The following HPS4 variants were observed in gnomAD, a reference collection of about 807,000 sequenced individuals.
HPS4 encodes the protein HPS4 biogenesis of lysosomal organelles complex 3 subunit 2.
In HPS4, 44 loss-of-function variants were observed where a neutral mutation model predicts 70.3. That is an observed-to-expected ratio of 0.63 (90% CI 0.49 to 0.80). HPS4 has a LOEUF of 0.80. Among genes scored for constraint, HPS4 ranks in the 30% least tolerant of loss-of-function variants. HPS4 has a pLI of 0.00. For synonymous variants in HPS4, 377 were observed against 355.9 expected, an observed-to-expected ratio of 1.06 and a Z score of -0.67; for missense variants, 873 against 884.4, an observed-to-expected ratio of 0.99 and a Z score of 0.16.
chr22:26,452,801 C>T lies in HPS4; in HGVS notation c.*432G>A. On this transcript the variant is annotated 3_prime_UTR_variant, in exon 14 of 14. Coordinates refer to ENST00000398145, the MANE Select transcript of HPS4 (RefSeq NM_022081.6). ...CTCACAGATCCGGCACCTCGCTGTGCAGTCACACCGCCTACCACCACCTGG... is the reference window on the plus strand; with the variant it reads ...CTCACAGATCCGGCACCTCGCTGTGTAGTCACACCGCCTACCACCACCTGG... The T allele has an allele frequency of 3.9e-6, 1 of 259,182 alleles. No individual in the cohort carries two copies. Among genetic ancestry groups the T allele is most frequent in the South Asian group, 4.4e-5 (1 of 22,964 alleles). The allele number at this position is 259,182 out of a possible 1,614,324, so 16.1% of individuals were successfully genotyped here.
chr22:26,479,927 A>C (rs1273792870), intron 2 of HPS4, among the ~76,000 whole-genome samples: 1 of 152,224 alleles, frequency 6.6e-6, no homozygotes, highest in Non-Finnish European at 1.5e-5. Flanking sequence ...ATGAGAATTT[A>C]CAGAGAAACT....
At chr22:26,458,380 TTCTCA>T in intron 12 of HPS4, 60 bp downstream of exon 12, 1 of 1,591,464 alleles carries the variant, frequency 6.3e-7, no homozygotes, top group Non-Finnish European at 8.6e-7. Flanking sequence ...GGGGCTCAAG[TTCTCA>T]TCTCCACCCA....
chr22:26,475,709 G>A (rs1033394070), intron 4 of HPS4: 1 of 151,336 alleles, frequency 6.6e-6, no homozygotes, highest in Non-Finnish European at 1.5e-5. Flanking sequence ...TGTGTGGAGA[G>A]TACACTAATG....
At position 26,481,927 on chromosome 22, in the gene HPS4, C is replaced by A. The variant is rs1414589038; in HGVS notation, c.-165G>T. 6.1e-5 allele frequency: 43 copies of A among 702,304 alleles called. No individual in the cohort carries two copies. Among genetic ancestry groups the A allele is most frequent in the Middle Eastern group, 3.7e-4 (1 of 2,720 alleles). The allele number at this position is 702,304 out of a possible 1,614,324, so 43.5% of individuals were successfully genotyped here. A position where few individuals can be genotyped will look rare whatever the true frequency, so the allele number is the denominator to read the frequency against. Reference sequence around the variant, plus strand: ...TGCCACTTGGTTAGTTTTCACTCAGCATGGAAAGTTCCACTTCCCTTCCTT... The same window carrying A: ...TGCCACTTGGTTAGTTTTCACTCAGAATGGAAAGTTCCACTTCCCTTCCTT... On this transcript the variant is annotated 5_prime_UTR_variant, in exon 2 of 14. It removes an upstream start codon present in the reference 5' UTR. Transcript: ENST00000398145.
Position 26,463,988 on chromosome 22 carries a change from C to G in HPS4, c.1642G>C (p.Val548Leu). 1 of 1,614,240 alleles carries G rather than the reference C, an allele frequency of 6.2e-7. No individual in the cohort carries two copies. Among genetic ancestry groups the G allele is most frequent in the Non-Finnish European group, 8.5e-7 (1 of 1,180,050 alleles). ...AGCAGGGACAGCACCAGCCCTTTGA[C>G]GCAGTGAGTGTAGAGATTCATCCTC... ...LVRMNLYTHC[V>L]KGLVLSLLAE... Residue 548 changes from valine to leucine, a missense_variant, in exon 11 of 14, where the codon GTC (valine) becomes CTC (leucine). Transcript: ENST00000398145.
intron 13 of HPS4, among the ~76,000 whole-genome samples, chr22:26,455,994 C>T (rs2086050683): frequency 6.6e-6 from 1 of 152,218 alleles, no homozygotes; most frequent in Non-Finnish European, 1.5e-5. Flanking sequence ...CAAGTTGCCT[C>T]TGGGTTGCCA....
At chr22:26,445,300 C>T (rs1451369586) in intron 3 of HPS4, among the ~76,000 whole-genome samples, 2 of 152,064 alleles carry the variant, frequency 1.3e-5, no homozygotes, top group Non-Finnish European at 2.9e-5. Context: ...CGCCAGTGCA[C>T]TCCAGCCAAG....
chr22:26,477,012 A>C lies in HPS4; in HGVS notation c.257T>G (p.Val86Gly), dbSNP rs763091759. 1 of 1,614,180 alleles carries C rather than the reference A, an allele frequency of 6.2e-7. No homozygotes were observed. The highest frequency in any genetic ancestry group is 2.2e-5 in the East Asian group (1 of 44,888). ...RLRKLKFAIK[V>G]DGDYLWVLGC... is the part of the protein sequence containing the mutation. ...ACTTACCCAAAGGTAATCTCCATCA[A>C]CTTTTATGGCAAACTTCAGTTTTCT... is the stretch of plus-strand genomic sequence containing the variant. Residue 86 changes from valine (V) to glycine (G), a missense_variant, in exon 4 of 14, where the codon GTT becomes GGT. Val to Gly is a moderately radical substitution (Grantham distance 109). Coordinates refer to ENST00000398145, the MANE Select transcript of HPS4 (RefSeq NM_022081.6).
intron 4 of HPS4, among the ~76,000 whole-genome samples, 166 bp from the exon 5 acceptor site, chr22:26,473,105 T>C (rs927554227): frequency 3.3e-5 from 5 of 152,336 alleles, no homozygotes; most frequent in African/African-American, 1.2e-4. Context: ...TTAATCTCCA[T>C]GGACAAGTAA....
At chr22:26,445,507 T>G (rs1403205474) in intron 3 of HPS4, among the ~76,000 whole-genome samples, 1 of 152,142 alleles carries the variant, frequency 6.6e-6, no homozygotes, top group Non-Finnish European at 1.5e-5. Context: ...TAGGATATGT[T>G]AAGGAGCAAT....
At chr22:26,458,318 G>T in intron 12 of HPS4, 127 bp downstream of exon 12, 1 of 1,176,442 alleles carries the variant, frequency 8.5e-7, no homozygotes, top group Non-Finnish European at 1.3e-6. Flanking sequence ...TGAGAAGAGA[G>T]CCCTGAACGC....
chr22:26,460,708 T>C (rs2087073620), intron 11 of HPS4, among the ~76,000 whole-genome samples: 1 of 152,242 alleles, frequency 6.6e-6, no homozygotes, highest in Admixed American at 6.5e-5. Flanking sequence ...AGTGCTTTCA[T>C]ACATACCAGG....
Position 26,481,768 on chromosome 22 carries a change from G to A in HPS4, c.-6C>T, listed in dbSNP as rs763357219. 8 of 1,613,644 alleles carry A rather than the reference G, an allele frequency of 5.0e-6. No homozygotes were observed. Among genetic ancestry groups the A allele is most frequent in the Non-Finnish European group, 6.8e-6 (8 of 1,179,660 alleles). On this transcript the variant is annotated 5_prime_UTR_variant, in exon 2 of 14. The change creates a premature stop within an existing upstream ORF in the 5' untranslated region. Transcript: ENST00000398145. ...GTGGAGGTAGAGGTGGCCATCTACT[G>A]TGCAGTCATCCTCATTCTCTTCATT...
chr22:26,470,994 A>G, intron 6 of HPS4, 181 bp from the exon 7 acceptor site: 1 of 1,324,668 alleles, frequency 7.5e-7, no homozygotes. Flanking sequence ...CTCTATACTC[A>G]GAACTGCTGA....
chr22:26,447,185 G>A (rs1365289909), downstream of HPS4, among the ~76,000 whole-genome samples: 2 of 152,208 alleles, frequency 1.3e-5, no homozygotes, highest in African/African-American at 4.8e-5. Context: ...TTGGGTCAGG[G>A]CTGGACACGT....
chr22:26,449,637 C>G (rs1304902968), downstream of HPS4, among the ~76,000 whole-genome samples: 1 of 136,810 alleles, frequency 7.3e-6, no homozygotes, highest in Non-Finnish European at 1.6e-5. Flanking sequence ...ATCCCACTCC[C>G]CTGCTTAAAG....
At chr22:26,471,111 G>A (rs1244389375) in intron 6 of HPS4, 2 of 477,356 alleles carry the variant, frequency 4.2e-6, no homozygotes, top group East Asian at 4.2e-5. Context: ...GATGGCCTGG[G>A]AGACCGACTG....
intron 1 of HPS4, among the ~76,000 whole-genome samples, chr22:26,482,544 C>T (rs2091393116): frequency 6.6e-6 from 1 of 152,212 alleles, no homozygotes; most frequent in African/African-American, 2.4e-5. Context: ...AATTAAGGAA[C>T]TGTCATCTTG....
downstream of HPS4, chr22:26,443,165 G>A (rs1215761224): frequency 1.2e-6 from 2 of 1,614,136 alleles, no homozygotes; most frequent in Admixed American, 1.7e-5. Context: ...CGCAGCGGCC[G>A]AACGGCAGGC....
Sources: gnomAD v4.1 joint callset for allele counts (sites outside exome capture counted in the v4.1 genomes callset) on GRCh38, gnomAD v4.1.1 for gene constraint, MANE v1.5 for transcripts, NCBI Gene and HGNC (gene_info 2026-07-23, HGNC 2026-07-21) for gene names.